UMOD: variants seen among roughly 807,000 people sequenced by gnomAD.
UMOD encodes Tamm-Horsfall urinary glycoprotein.
A neutral mutation model predicts 66.0 loss-of-function variants in UMOD; 64 were observed. The ratio of observed to expected loss-of-function variants is 0.97; its 90% CI spans 0.79 to 1.19. The LOEUF is 1.19. Among genes scored for constraint, UMOD ranks in the 50% most tolerant of loss-of-function variants. UMOD has a pLI of 0.00. For synonymous variants in UMOD, 398 were observed against 352.7 expected (o/e 1.13, Z -1.44); for missense variants, 764 against 850.9 (o/e 0.90, Z 1.27).
chr16:20,353,911 C>G (rs531168161), upstream of UMOD, among the ~76,000 whole-genome samples: 16 of 152,182 alleles, frequency 1.1e-4, no homozygotes, highest in African/African-American at 2.9e-4. Flanking sequence ...CCCCGCTCCC[C>G]GCATCCCACA....
At chr16:20,344,275 T>TCACAAGTAGCCAG in intron 5 of UMOD, 103 bp from the exon 6 acceptor site, 5 of 1,204,986 alleles carry the variant, frequency 4.1e-6, no homozygotes, top group Non-Finnish European at 4.9e-6. Flanking sequence ...CATGTCTGGC[T>TCACAAGTAGCCAG]ACTTGTGAGC....
intron 3 of UMOD, 48 bp from the exon 4 acceptor site, chr16:20,348,378 G>A (rs371060509): frequency 6.8e-6 from 11 of 1,613,974 alleles, no homozygotes; most frequent in Admixed American, 1.7e-5. Flanking sequence ...ACGCACCCCC[G>A]TCCTCTGCAG....
At chr16:20,341,638 A>G (rs1219655702) in intron 6 of UMOD, among the ~76,000 whole-genome samples, 2 of 152,212 alleles carry the variant, frequency 1.3e-5, no homozygotes, top group Non-Finnish European at 2.9e-5. Flanking sequence ...TCACATCTCA[A>G]GTAACACATC....
At chr16:20,346,070 G>T in intron 5 of UMOD, 56 bp downstream of exon 5, 1 of 1,544,100 alleles carries the variant, frequency 6.5e-7, no homozygotes, top group South Asian at 1.1e-5. Context: ...AAGTGATAGA[G>T]CTGAAGCTTG....
intron 4 of UMOD, among the ~76,000 whole-genome samples, chr16:20,347,965 C>T (rs982888793): frequency 2.6e-5 from 4 of 152,124 alleles, no homozygotes; most frequent in African/African-American, 9.7e-5. Context: ...GTGGTGTGGG[C>T]CTCAGAAAGA....
At position 20,346,892 on chromosome 16, in the gene UMOD, AG is replaced by A. The variant is rs1269428504; in HGVS notation, c.974-559del. Among the ~76,000 whole-genome samples, 4 of 4,192 alleles carry A rather than the reference AG, an allele frequency of 9.5e-4. No homozygotes were observed. In the Non-Finnish European group the frequency reaches 9.7e-3, roughly 10 times the overall value. 2.8% of individuals were successfully genotyped at this position (4,192 alleles called of 152,430 possible). A position where few individuals can be genotyped will look rare whatever the true frequency, so the allele number is the denominator to read the frequency against. The stretch of plus-strand genomic sequence containing the variant: ...ATAAAAAAAAGAAAGAGAGAAAGAA[AG>A]AAAGAAAGAAAGAAAGAAAGAAAAA... On this transcript the variant is annotated intron_variant, in intron 4 of 10. Coordinates refer to ENST00000396138, the MANE Select transcript of UMOD (RefSeq NM_003361.4).
At chr16:20,339,098 A>G (rs1965042895) in intron 7 of UMOD, among the ~76,000 whole-genome samples, 1 of 152,246 alleles carries the variant, frequency 6.6e-6, no homozygotes, top group Admixed American at 6.5e-5. Context: ...CCAGCATAGC[A>G]GGTATTATTT....
Position 20,341,163 on chromosome 16 carries a change from A to G in UMOD, c.1505T>C (p.Leu502Pro). ...GGGTGTGGCATAGCAGTTGGTCATG[A>G]GCAGTGCAAATCGGGACAGGTCGCC... is the stretch of plus-strand genomic sequence containing the variant. ...DGGDLSRFAL[L>P]MTNCYATPSS... is the part of the protein sequence containing the mutation. Residue 502 changes from leucine (L) to proline (P), a missense_variant, in exon 7 of 11, where the codon CTC becomes CCC. Physicochemically the swap from Leu to Pro is moderately conservative, Grantham distance 98 (BLOSUM62 -3). Coordinates refer to ENST00000396138, the MANE Select transcript of UMOD (RefSeq NM_003361.4). 6.2e-7 allele frequency: 1 copy of G among 1,614,052 alleles called. No homozygotes were observed. The highest frequency in any genetic ancestry group is 8.5e-7 in the Non-Finnish European group (1 of 1,180,020).
At chr16:20,351,681 G>C (rs1965899812) in intron 1 of UMOD, among the ~76,000 whole-genome samples, 1 of 152,120 alleles carries the variant, frequency 6.6e-6, no homozygotes, top group Non-Finnish European at 1.5e-5. Flanking sequence ...TTGGGTCCTA[G>C]AGCAACGTTT....
chr16:20,346,159 T>TG lies in UMOD; in HGVS notation c.1148dup (p.Ala384SerfsTer14). ...CTGTCCCACAGGGGCCATCCCGGGC[T>TG]GGGGTCACTACAGACACCCAGTCCC... On this transcript the variant is annotated frameshift_variant, in exon 5 of 11. Transcript: ENST00000396138. LOFTEE classifies it high-confidence loss of function. 12 of 1,614,152 alleles carry TG rather than the reference T, an allele frequency of 7.4e-6. No individual in the cohort carries two copies. The highest frequency in any genetic ancestry group is 1.0e-5 in the Non-Finnish European group (12 of 1,180,042).
At chr16:20,349,686 G>C in intron 2 of UMOD, 3 of 1,469,694 alleles carry the variant, frequency 2.0e-6, no homozygotes, top group Non-Finnish European at 2.7e-6. Flanking sequence ...ATTCAGAAAA[G>C]TAATGCGCAG....
intron 1 of UMOD, chr16:20,352,477 A>G (rs1965946993): frequency 2.5e-6 from 1 of 395,364 alleles, no homozygotes; most frequent in Non-Finnish European, 4.4e-6. Context: ...TTCATGGAAT[A>G]AGTCAAAAAA....
intron 1 of UMOD, 32 bp downstream of exon 1, chr16:20,352,657 G>T: frequency 8.1e-7 from 1 of 1,230,918 alleles, no homozygotes; most frequent in Non-Finnish European, 1.0e-6. Context: ...GGAGAAGCTG[G>T]GCTAGGAGAA....
At chr16:20,352,781 A>G (rs1596570239), upstream of UMOD, 4 of 1,206,002 alleles carry the variant, frequency 3.3e-6, no homozygotes, top group Non-Finnish European at 4.1e-6. Flanking sequence ...TCCTCCAATT[A>G]GTCTCTAGTT....
intron 10 of UMOD, among the ~76,000 whole-genome samples, 180 bp downstream of exon 10, chr16:20,335,302 T>C (rs552391890): frequency 6.6e-6 from 1 of 152,284 alleles, no homozygotes; most frequent in Admixed American, 6.5e-5. Context: ...TTACAATTAA[T>C]AGAGAGATGC....
chr16:20,340,942 C>T (rs1436840949), intron 7 of UMOD, 149 bp downstream of exon 7: 9 of 862,760 alleles, frequency 1.0e-5, no homozygotes, highest in East Asian at 2.7e-5. Context: ...TGCAGTGAGC[C>T]GAGGTCACAC....
chr16:20,349,597 C>G (rs142717731), intron 2 of UMOD: 23 of 1,354,162 alleles, frequency 1.7e-5, no homozygotes, highest in Non-Finnish European at 2.2e-5. Flanking sequence ...ACCACAGGCA[C>G]GTGCAATCGC....
At chr16:20,343,816 T>TC (rs889653817) in intron 6 of UMOD, among the ~76,000 whole-genome samples, 12 of 152,142 alleles carry the variant, frequency 7.9e-5, no homozygotes, top group Non-Finnish European at 1.3e-4. Flanking sequence ...TTTGACTCTG[T>TC]CCCCCACTGG....
chr16:20,337,423 T>G lies in UMOD; in HGVS notation c.1608A>C (p.Gln536His). 3 of 1,614,218 alleles carry G rather than the reference T, an allele frequency of 1.9e-6. No homozygotes were observed. The highest frequency in any genetic ancestry group is 2.5e-6 in the Non-Finnish European group (3 of 1,180,034). The change falls in exon 8 of 11, where the codon CAA becomes CAC. Residue 536 changes from glutamine to histidine, a missense_variant. Gln to His is a conservative substitution (Grantham distance 24). Coordinates refer to ENST00000396138, the MANE Select transcript of UMOD (RefSeq NM_003361.4). ...GGGAGGACTCCCCATTCTCCACCAC[T>G]TGGATAGTTGAGTCTCTAGTGTGTG... ...RCPHTRDSTI[Q>H]VVENGESSQG...
Sources: allele counts gnomAD v4.1 joint callset (sites outside exome capture counted in the v4.1 genomes callset), GRCh38; gene constraint gnomAD v4.1.1; transcripts MANE v1.5; gene names NCBI Gene and HGNC (gene_info 2026-07-23, HGNC 2026-07-21).